LRRN1: variants seen among roughly 807,000 people sequenced by gnomAD.
The protein encoded by LRRN1 is leucine-rich repeat neuronal protein 1.
Under a neutral mutation model 45.8 loss-of-function variants are expected in LRRN1, and 14 were observed. The observed-to-expected ratio is 0.31, with a 90% CI of 0.20 to 0.48. LRRN1 has a LOEUF of 0.48. Among genes scored for constraint, LRRN1 ranks in the 20% least tolerant of loss-of-function variants. The probability of loss-of-function intolerance (pLI) is 0.99; values close to 1 mark genes in which losing one functional copy is unlikely to be tolerated. For synonymous variants in LRRN1, 359 were observed against 330.1 expected (o/e 1.09, Z -0.95); for missense variants, 789 against 874.2 (o/e 0.90, Z 1.23).
chr3:3,802,458 C>T (rs1163726232), intron 1 of LRRN1, among the ~76,000 whole-genome samples: 1 of 152,172 alleles, frequency 6.6e-6, no homozygotes, highest in Non-Finnish European at 1.5e-5. Flanking sequence ...TACAACACCC[C>T]CCCAACCCCC....
At chr3:3,802,537 T>G (rs1692676487) in intron 1 of LRRN1, among the ~76,000 whole-genome samples, 1 of 152,194 alleles carries the variant, frequency 6.6e-6, no homozygotes, top group Admixed American at 6.5e-5. Context: ...CAACAGATGT[T>G]AGTCTGCTAT....
chr3:3,830,726 T>C (rs1044894197), intron 1 of LRRN1, among the ~76,000 whole-genome samples: 8 of 152,188 alleles, frequency 5.3e-5, no homozygotes, highest in African/African-American at 1.9e-4. Context: ...AGCCCGATCA[T>C]GTATATACCA....
intron 1 of LRRN1, among the ~76,000 whole-genome samples, chr3:3,800,134 C>G (rs1337209400): frequency 3.3e-4 from 33 of 100,970 alleles, no homozygotes; most frequent in Non-Finnish European, 3.9e-5. Context: ...CCCCGTCCCC[C>G]TTGCCAAAAA....
intron 1 of LRRN1, among the ~76,000 whole-genome samples, chr3:3,823,604 T>C (rs1372333144): frequency 6.6e-6 from 1 of 152,104 alleles, no homozygotes; most frequent in East Asian, 1.9e-4. Flanking sequence ...CAAGACATGT[T>C]ATCTCATTTA....
chr3:3,834,525 G>GATATATATATCATATATATATATATATAT (rs1693446549), intron 1 of LRRN1, among the ~76,000 whole-genome samples: 10 of 27,328 alleles, frequency 3.7e-4, no homozygotes, highest in Non-Finnish European at 8.0e-4. Context: ...GACAGAACAG[G>GATATATATATCATATATATATATATATAT]ATATATATAT....
At chr3:3,829,930 G>A (rs551100031) in intron 1 of LRRN1, among the ~76,000 whole-genome samples, 9 of 152,284 alleles carry the variant, frequency 5.9e-5, no homozygotes, top group Non-Finnish European at 1.0e-4. Flanking sequence ...TGATCATCCC[G>A]AGGAATGGTG....
Position 3,849,343 on chromosome 3 carries a change from T to A in LRRN1, c.*2551T>A, listed in dbSNP as rs572084824. Among the ~76,000 whole-genome samples the A allele has an allele frequency of 8.6e-4, 131 of 152,326 alleles. 1 individual carries two copies. Among genetic ancestry groups the A allele is most frequent in the Middle Eastern group, 3.4e-3 (1 of 294 alleles). ...TTTGGGGGGAAAAACCCCTTTTACA[T>A]TTTTCTTCAGTAAAGTACTGGAACT... On this transcript the variant is annotated 3_prime_UTR_variant, in exon 2 of 2. Transcript: ENST00000319331.
At chr3:3,814,094 T>A (rs993891966) in intron 1 of LRRN1, among the ~76,000 whole-genome samples, 3 of 151,064 alleles carry the variant, frequency 2.0e-5, no homozygotes, top group Non-Finnish European at 4.4e-5. Flanking sequence ...ATATGGCACT[T>A]CTTCTTTGTT....
chr3:3,846,595 T>G lies in LRRN1; in HGVS notation c.1954T>G (p.Phe652Val). 15 of 1,614,108 alleles carry G rather than the reference T, an allele frequency of 9.3e-6. No homozygotes were observed. The highest frequency in any genetic ancestry group is 1.3e-5 in the Non-Finnish European group (15 of 1,180,014). ...TAGCCTTGCGTCCATTGCTGTGTAC[T>G]TTGCCAAAAGATTTAAGAGAAAAAA... is the stretch of plus-strand genomic sequence containing the variant. ...VISLASIAVY[F>V]AKRFKRKNYH... The change falls in exon 2 of 2, where the codon TTT (phenylalanine) becomes GTT (valine). Residue 652 changes from phenylalanine to valine, a missense_variant. Physicochemically the swap from Phe to Val is conservative, Grantham distance 50. Transcript: ENST00000319331. The surrounding 1 kb of genome is among the most constrained non-coding windows in gnomAD (Gnocchi z 5.7).
At chr3:3,802,029 T>A (rs1273986586) in intron 1 of LRRN1, among the ~76,000 whole-genome samples, 2 of 152,198 alleles carry the variant, frequency 1.3e-5, no homozygotes, top group African/African-American at 4.8e-5. Context: ...GTCCACTGTC[T>A]AGCTGAGAAT....
Position 3,845,427 on chromosome 3 carries a change from T to C in LRRN1, c.786T>C (p.Val262=), listed in dbSNP as rs188981901. Reference sequence around the variant, plus strand: ...TCCCTCAACTTGCCCTGCAAAAAGTTCCAAATTTGAAATTCTTAGACCTCA... The same window carrying C: ...TCCCTCAACTTGCCCTGCAAAAAGTCCCAAATTTGAAATTCTTAGACCTCA... ...VKVPQLALQK[V]PNLKFLDLNK... Residue 262 remains valine (V), a synonymous_variant, in exon 2 of 2, where the codon GTT becomes GTC. Transcript: ENST00000319331. This position sits in a 1 kb window ranked among gnomAD's most constrained non-coding sequence, Gnocchi z 6.5. 4 of 1,614,082 alleles carry C rather than the reference T, an allele frequency of 2.5e-6. No individual in the cohort carries two copies. The highest frequency in any genetic ancestry group is 3.4e-6 in the Non-Finnish European group (4 of 1,180,020).
chr3:3,839,605 C>T (rs1693603581), intron 1 of LRRN1, among the ~76,000 whole-genome samples: 1 of 152,088 alleles, frequency 6.6e-6, no homozygotes, highest in Admixed American at 6.5e-5. Context: ...ATTTTCCAGT[C>T]TATAAACATG....
In LRRN1 at chr3:3,846,614, G is replaced by C. The variant is rs75344244; in HGVS notation, c.1973G>C (p.Arg658Thr). 1 of 1,613,858 alleles carries C rather than the reference G, an allele frequency of 6.2e-7. No homozygotes were observed. The highest frequency in any genetic ancestry group is 2.2e-5 in the East Asian group (1 of 44,868). ...IAVYFAKRFKRKNYHHSLKKY... is the reference protein window; with the variant it reads ...IAVYFAKRFKTKNYHHSLKKY... ...GTGTACTTTGCCAAAAGATTTAAGA[G>C]AAAAAACTACCACCACTCATTAAAA... The change falls in exon 2 of 2, where the codon AGA becomes ACA. Residue 658 changes from arginine (R) to threonine (T), a missense_variant. Arg to Thr is a moderately conservative substitution (Grantham distance 71). Coordinates refer to ENST00000319331, the MANE Select transcript of LRRN1 (RefSeq NM_020873.7). This position sits in a 1 kb window ranked among gnomAD's most constrained non-coding sequence, Gnocchi z 5.7.
chr3:3,836,566 GTGTT>G (rs1428781489), intron 1 of LRRN1, among the ~76,000 whole-genome samples: 1 of 152,120 alleles, frequency 6.6e-6, no homozygotes, highest in Non-Finnish European at 1.5e-5. Context: ...TCGTGTGTGT[GTGTT>G]TGTGTGTGTG....
At chr3:3,800,395 C>T (rs975636946) in intron 1 of LRRN1, among the ~76,000 whole-genome samples, 2 of 151,664 alleles carry the variant, frequency 1.3e-5, no homozygotes, top group Non-Finnish European at 1.5e-5. Flanking sequence ...AGGAAGGTGG[C>T]GGGCGACGGG....
At chr3:3,842,453 CA>C (rs1223842045) in intron 1 of LRRN1, among the ~76,000 whole-genome samples, 6 of 151,348 alleles carry the variant, frequency 4.0e-5, no homozygotes, top group Non-Finnish European at 7.4e-5. Context: ...TTTTGTATAA[CA>C]AAAAAGTTGT....
At chr3:3,806,440 A>G (rs1050351461) in intron 1 of LRRN1, among the ~76,000 whole-genome samples, 4 of 152,206 alleles carry the variant, frequency 2.6e-5, no homozygotes, top group East Asian at 3.9e-4. Flanking sequence ...ACGATTTTCC[A>G]TCTAGCCTCT....
intron 1 of LRRN1, among the ~76,000 whole-genome samples, 191 bp downstream of exon 1, chr3:3,800,110 A>T (rs1205192621): frequency 7.2e-6 from 1 of 139,770 alleles, no homozygotes; most frequent in African/African-American, 2.8e-5. Context: ...ACGAGAATAT[A>T]GTGCCCCGTT....
intron 1 of LRRN1, among the ~76,000 whole-genome samples, chr3:3,809,730 A>G (rs142350969): frequency 3.3e-5 from 5 of 152,318 alleles, no homozygotes; most frequent in Admixed American, 6.5e-5. Flanking sequence ...CAGTATCTAC[A>G]TCTGCAAAAT....
Sources: gnomAD v4.1 joint callset for allele counts (sites outside exome capture counted in the v4.1 genomes callset) on GRCh38, gnomAD v4.1.1 for gene constraint, Gnocchi (gnomAD v3.1) non-coding constraint, MANE v1.5 for transcripts, NCBI Gene and HGNC (gene_info 2026-07-23, HGNC 2026-07-21) for gene names.